The following TPD52 variants were observed in gnomAD, a reference collection of about 807,000 sequenced individuals.
TPD52 encodes the protein prostate and colon associated protein.
Under a neutral mutation model 31.3 loss-of-function variants are expected in TPD52, and 17 were observed. The observed-to-expected ratio is 0.54, with a 90% confidence interval of 0.37 to 0.82. The LOEUF (loss-of-function observed/expected upper bound fraction) is 0.82. Among genes scored for constraint, TPD52 ranks in the 40% least tolerant of loss-of-function variants. The pLI is 0.00. For missense variants in TPD52, 212 were observed against 240.1 expected, an observed-to-expected ratio of 0.88 and a Z score of 0.77; for synonymous variants, 83 against 89.6, an observed-to-expected ratio of 0.93 and a Z score of 0.42.
intron 1 of TPD52, among the ~76,000 whole-genome samples, chr8:80,068,557 C>T (rs1192898448): frequency 2.6e-5 from 4 of 152,240 alleles, no homozygotes; most frequent in Non-Finnish European, 5.9e-5. Flanking sequence ...TAGTTCTCTT[C>T]ATCTAGCTGT....
chr8:80,158,190 C>G (rs1811099854), intron 1 of TPD52, among the ~76,000 whole-genome samples: 2 of 152,064 alleles, frequency 1.3e-5, no homozygotes, highest in African/African-American at 2.4e-5. Context: ...GGTTGCCTTC[C>G]CTTTACCATT....
At chr8:80,099,379 C>A (rs1198037393) in intron 1 of TPD52, among the ~76,000 whole-genome samples, 2 of 152,024 alleles carry the variant, frequency 1.3e-5, no homozygotes, top group Non-Finnish European at 1.5e-5. Flanking sequence ...AACAAACAAA[C>A]AAAAAACACA....
chr8:80,041,353 C>A (rs114225115), intron 7 of TPD52, among the ~76,000 whole-genome samples: 1,955 of 152,116 alleles, frequency 0.013, 58 homozygotes, highest in African/African-American at 0.043. Flanking sequence ...AATAAATGTA[C>A]CCTGCTTTTA....
rs140333366 is a variant in TPD52 at position 80,073,790 on chromosome 8, A to AT, written c.20-9198dup. ...AGAAAGGTTTTTCTATTTAAAGCAGATGTGAAATGTCACTTTCCTAAAGAA... is the reference window on the plus strand; with the variant it reads ...AGAAAGGTTTTTCTATTTAAAGCAGATTGTGAAATGTCACTTTCCTAAAGAA... On this transcript the variant is annotated intron_variant, in intron 1 of 7. Coordinates refer to ENST00000518937, the MANE Select transcript of TPD52 (RefSeq NM_001025253.3). Among the ~76,000 whole-genome samples the AT allele has an allele frequency of 8.4e-3, 1,280 of 152,318 alleles. 23 individuals are homozygous for AT. Among genetic ancestry groups the AT allele is most frequent in the African/African-American group, 0.029 (1,220 of 41,556 alleles).
intron 1 of TPD52, chr8:80,080,853 A>T: frequency 1.5e-6 from 1 of 648,242 alleles, no homozygotes; most frequent in Non-Finnish European, 1.9e-6. Context: ...ACAAGAAACT[A>T]CAATTTATTT....
intron 1 of TPD52, among the ~76,000 whole-genome samples, chr8:80,137,145 TTA>T (rs1191677086): frequency 1.3e-5 from 2 of 152,022 alleles, no homozygotes; most frequent in African/African-American, 4.8e-5. Flanking sequence ...CAGGTTGCTA[TTA>T]AAAAGAGTAA....
chr8:80,121,851 G>GT (rs943246368), intron 1 of TPD52, among the ~76,000 whole-genome samples: 2 of 152,012 alleles, frequency 1.3e-5, no homozygotes, highest in African/African-American at 2.4e-5. Flanking sequence ...CATTTACAAG[G>GT]TTTTTTCATT....
chr8:80,049,716 G>A (rs1811179762), intron 5 of TPD52, among the ~76,000 whole-genome samples: 1 of 152,210 alleles, frequency 6.6e-6, no homozygotes, highest in Admixed American at 6.5e-5. Context: ...GCCTGGGAAA[G>A]AGAAAGGTTT....
At chr8:80,103,950 T>C (rs1189495114) in intron 1 of TPD52, among the ~76,000 whole-genome samples, 1 of 152,202 alleles carries the variant, frequency 6.6e-6, no homozygotes, top group Non-Finnish European at 1.5e-5. Flanking sequence ...TAAGAGTGTA[T>C]GTGTATTGCT....
chr8:80,156,362 TAGA>T (rs1374357752), intron 1 of TPD52, among the ~76,000 whole-genome samples: 1 of 152,206 alleles, frequency 6.6e-6, no homozygotes, highest in Non-Finnish European at 1.5e-5. Flanking sequence ...GGCCTAGCCT[TAGA>T]AGTCACATGG....
Position 80,167,376 on chromosome 8 carries a change from TTTG to T in TPD52, c.19+4046_19+4048del, listed in dbSNP as rs1811785818. Among the ~76,000 whole-genome samples, 2 of 152,230 alleles carry T rather than the reference TTTG, an allele frequency of 1.3e-5. 1 individual carries two copies. Among genetic ancestry groups the T allele is most frequent in the East Asian group, 3.8e-4 (2 of 5,206 alleles). ...TGGTTTTGCACTGTGAGTGAGCGTA[TTTG>T]TTTTTATTACATGCATACATTATTC... On this transcript the variant is annotated intron_variant, in intron 1 of 7. Transcript: ENST00000518937.
intron 1 of TPD52, among the ~76,000 whole-genome samples, chr8:80,150,234 G>A (rs1399568095): frequency 2.0e-5 from 3 of 152,230 alleles, no homozygotes; most frequent in African/African-American, 7.2e-5. Context: ...TGAGCCTGTG[G>A]GTATGCAGAA....
chr8:80,095,021 G>GTATT (rs1458062767), intron 1 of TPD52, among the ~76,000 whole-genome samples: 1 of 152,078 alleles, frequency 6.6e-6, no homozygotes. Flanking sequence ...GCACTCCCAG[G>GTATT]TATTTACCCA....
At chr8:80,167,054 GACA>G (rs1563675430) in intron 1 of TPD52, among the ~76,000 whole-genome samples, 2 of 152,024 alleles carry the variant, frequency 1.3e-5, no homozygotes, top group Non-Finnish European at 1.5e-5. Context: ...TTCTAAAATA[GACA>G]ACTATTCTTA....
rs1168224730 is a variant in TPD52 at position 80,148,875 on chromosome 8, A to G, written c.19+22550T>C. Among the ~76,000 whole-genome samples, 6 of 152,320 alleles carry G rather than the reference A, an allele frequency of 3.9e-5. No individual in the cohort carries two copies. The East Asian group carries it at 9.6e-4, about 24-fold the overall frequency. On this transcript the variant is annotated intron_variant, in intron 1 of 7. Coordinates refer to ENST00000518937, the MANE Select transcript of TPD52 (RefSeq NM_001025253.3). ...ATGTTTCTCTGTTGTACAGAGAAAA[A>G]TCATTTCTTTTTTTAACCTAAAAGC...
intron 1 of TPD52, among the ~76,000 whole-genome samples, chr8:80,139,346 C>G (rs557003762): frequency 6.6e-6 from 1 of 152,116 alleles, no homozygotes; most frequent in South Asian, 2.1e-4. Flanking sequence ...CAAACATCAC[C>G]GCAATCTAAT....
chr8:80,043,251 C>T (rs1810547625), intron 6 of TPD52, among the ~76,000 whole-genome samples: 1 of 152,140 alleles, frequency 6.6e-6, no homozygotes, highest in African/African-American at 2.4e-5. Context: ...ATGAGGAGAG[C>T]ACGCTGAGCC....
chr8:80,131,800 G>A (rs186871597), intron 1 of TPD52, among the ~76,000 whole-genome samples: 222 of 152,246 alleles, frequency 1.5e-3, no homozygotes, highest in Non-Finnish European at 2.7e-3. Flanking sequence ...ACTGAATAGC[G>A]TAAAACTATT....
At chr8:80,125,443 T>C (rs983038449) in intron 1 of TPD52, among the ~76,000 whole-genome samples, 55 of 151,998 alleles carry the variant, frequency 3.6e-4, no homozygotes, top group Admixed American at 3.5e-3. Flanking sequence ...CAAACAAACA[T>C]GCAAGCCTTG....
Sources: gnomAD v4.1 joint callset for allele counts (sites outside exome capture counted in the v4.1 genomes callset) on GRCh38, gnomAD v4.1.1 for gene constraint, MANE v1.5 for transcripts, NCBI Gene and HGNC (gene_info 2026-07-23, HGNC 2026-07-21) for gene names.